Variants in TEFM observed in about 807,000 individuals in gnomAD.
TEFM encodes the protein transcription elongation factor, mitochondrial.
In TEFM, 14 loss-of-function variants were observed where a neutral mutation model predicts 23.0. That is an observed-to-expected ratio of 0.61 (90% CI 0.40 to 0.95). The LOEUF is 0.95. Ranked by LOEUF, TEFM falls within the 40% of genes least tolerant of loss-of-function variation. The probability of loss-of-function intolerance (pLI) is 0.00; values close to 1 mark genes in which losing one functional copy is unlikely to be tolerated. For synonymous variants in TEFM, 155 were observed against 158.3 expected (o/e 0.98, Z 0.16); for missense variants, 386 against 425.5 (o/e 0.91, Z 0.82).
intron 2 of TEFM, among the ~76,000 whole-genome samples, chr17:30,901,156 G>A (rs184856546): frequency 6.6e-6 from 1 of 152,194 alleles, no homozygotes; most frequent in Admixed American, 6.5e-5. Context: ...GAGTAGCTGG[G>A]ATTACAGGTA....
At chr17:30,899,676 TC>T in intron 3 of TEFM, 70 bp from the exon 4 acceptor site, 1 of 1,038,366 alleles carries the variant, frequency 9.6e-7, no homozygotes, top group Non-Finnish European at 1.3e-6. Context: ...CCCCTCTCTG[TC>T]CCACTTCTAT....
chr17:30,899,611 T>TA lies in TEFM; in HGVS notation c.646-6_646-5insT, dbSNP rs764444126. ...CTTTGAAATGATCGAGGAAATCTTT[T>TA]TAAAAAAAGACAAAATAAAGGAACA... On this transcript the variant is annotated splice_polypyrimidine_tract_variant and splice_region_variant and intron_variant, in intron 3 of 3. Coordinates refer to ENST00000581216, the MANE Select transcript of TEFM (RefSeq NM_024683.4). 12 of 1,493,100 alleles carry TA rather than the reference T, an allele frequency of 8.0e-6. No homozygotes were observed. The highest frequency in any genetic ancestry group is 8.1e-6 in the Non-Finnish European group (9 of 1,117,396). The allele number at this position is 1,493,100 out of a possible 1,614,324, so 92.5% of individuals were successfully genotyped here.
intron 1 of TEFM, among the ~76,000 whole-genome samples, chr17:30,905,515 C>T (rs9915675): frequency 0.13 from 18,908 of 146,522 alleles, 1,365 homozygotes; most frequent in South Asian, 0.24. Context: ...AGCGAAACTC[C>T]GTCTCAAAAA....
intron 2 of TEFM, among the ~76,000 whole-genome samples, chr17:30,903,143 A>G (rs1159778021): frequency 1.3e-5 from 2 of 151,354 alleles, no homozygotes; most frequent in Non-Finnish European, 2.9e-5. Flanking sequence ...TCTCAAAAAA[A>G]AAAAAAAAAA....
rs775819089 is a variant in TEFM, at chr17:30,904,428, G to C, written c.133C>G (p.Pro45Ala). 2 of 1,614,032 alleles carry C rather than the reference G, an allele frequency of 1.2e-6. No individual in the cohort carries two copies. Among genetic ancestry groups the C allele is most frequent in the South Asian group, 1.1e-5 (1 of 91,080 alleles). ...KKSTTPKKIT[P>A]NVTFCDENAK... ...TTTTCATCACAAAAAGTAACATTGG[G>C]AGTAATTTTCTTAGGTGTAGTGGAT... Residue 45 changes from proline (P) to alanine (A), a missense_variant, in exon 2 of 4, where the codon CCC becomes GCC. Transcript: ENST00000581216.
At chr17:30,902,850 T>C (rs1567706149) in intron 2 of TEFM, among the ~76,000 whole-genome samples, 1 of 152,120 alleles carries the variant, frequency 6.6e-6, no homozygotes, top group African/African-American at 2.4e-5. Context: ...AGTTTAATAC[T>C]TGAGTGCTGT....
In TEFM at chr17:30,899,176, TGA is replaced by T. The variant is rs746719028; in HGVS notation, c.1074_1075del (p.Gln359AlafsTer5). On this transcript the variant is annotated frameshift_variant, in exon 4 of 4. Coordinates refer to ENST00000581216, the MANE Select transcript of TEFM (RefSeq NM_024683.4). LOFTEE classifies it high-confidence loss of function. ...CACGTTAACCTCAGAATTCTAAGGC[TGA>T]GAGTCAAACACTGCTAATTCATAGA... 8.8e-6 allele frequency: 14 copies of T among 1,583,514 alleles called. No homozygotes were observed. The highest frequency in any genetic ancestry group is 2.2e-5 in the East Asian group (1 of 44,464).
intron 2 of TEFM, among the ~76,000 whole-genome samples, chr17:30,901,989 C>T (rs747632715): frequency 7.4e-4 from 113 of 152,196 alleles, no homozygotes; most frequent in Non-Finnish European, 1.3e-3. Context: ...GTCACATGAC[C>T]TAGGGAAGGT....
intron 2 of TEFM, among the ~76,000 whole-genome samples, chr17:30,902,704 C>T (rs1193652788): frequency 6.6e-6 from 1 of 151,960 alleles, no homozygotes; most frequent in African/African-American, 2.4e-5. Flanking sequence ...AGAGGGTCCA[C>T]AGCTTTCATC....
chr17:30,900,416 T>C lies in TEFM; in HGVS notation c.642A>G (p.Glu214=). The C allele has an allele frequency of 6.2e-7, 1 of 1,614,154 alleles. No individual in the cohort carries two copies. The highest frequency in any genetic ancestry group is 8.5e-7 in the Non-Finnish European group (1 of 1,180,000). Residue 214 remains glutamate (E), a synonymous_variant, in exon 3 of 4, where the codon GAA becomes GAG. Coordinates refer to ENST00000581216, the MANE Select transcript of TEFM (RefSeq NM_024683.4). The part of the protein sequence containing the change: ...RGIYSSSVYL[E]EISSIISKMP... The stretch of plus-strand genomic sequence containing the variant: ...TCTGGAGGTGCAACTGCCTTACCTC[T>C]TCTAAATAGACTGATGATGAGTATA...
intron 2 of TEFM, 146 bp downstream of exon 2, chr17:30,903,920 C>T (rs952391273): frequency 1.5e-6 from 1 of 653,242 alleles, no homozygotes; most frequent in African/African-American, 1.8e-5. Context: ...ACTATCTGTA[C>T]ATCTCATTAT....
At chr17:30,900,153 G>T (rs1362743774) in intron 3 of TEFM, 2 of 428,542 alleles carry the variant, frequency 4.7e-6, no homozygotes, top group Non-Finnish European at 8.2e-6. Flanking sequence ...ATAAAAGAGT[G>T]ATAATGTTCT....
chr17:30,901,462 T>C (rs1910045276), intron 2 of TEFM, among the ~76,000 whole-genome samples: 1 of 152,170 alleles, frequency 6.6e-6, no homozygotes, highest in Non-Finnish European at 1.5e-5. Flanking sequence ...AACGTAACTG[T>C]ACATTATAAG....
chr17:30,902,908 C>T (rs1471509926), intron 2 of TEFM, among the ~76,000 whole-genome samples: 3 of 151,520 alleles, frequency 2.0e-5, no homozygotes, highest in South Asian at 4.2e-4. Context: ...TTCGGGAGCC[C>T]GAGGCAGGTG....
In TEFM at chr17:30,902,680, C is replaced by A. The variant is rs143667894; in HGVS notation, c.495+1386G>T. Among the ~76,000 whole-genome samples the A allele has an allele frequency of 1.5e-4, 23 of 152,262 alleles. No homozygotes were observed. The East Asian group carries it at 3.7e-3, about 24-fold the overall frequency. ...AGTATTCTGTGTATATGTGCTATAT[C>A]TTTTTCTATGGGAAGAGGGTCCACA... On this transcript the variant is annotated intron_variant, in intron 2 of 3. Transcript: ENST00000581216.
Position 30,899,357 on chromosome 17 carries a change from G to A in TEFM, c.895C>T (p.Leu299=). The A allele has an allele frequency of 6.2e-7, 1 of 1,614,198 alleles. No individual in the cohort carries two copies. Among genetic ancestry groups the A allele is most frequent in the African/African-American group, 1.3e-5 (1 of 75,062 alleles). Residue 299 remains leucine (L), a synonymous_variant, in exon 4 of 4, where the codon CTA becomes TTA. Transcript: ENST00000581216. Reference sequence around the variant, plus strand: ...GAATCGAAGAGAAACTGCTTCACTAGCTCTTTTCCACTAGTCCGGGAGTCA... The same window carrying A: ...GAATCGAAGAGAAACTGCTTCACTAACTCTTTTCCACTAGTCCGGGAGTCA... ...IGDSRTSGKE[L]VKQFLFDSIL... is the part of the protein sequence containing the mutation.
intron 2 of TEFM, among the ~76,000 whole-genome samples, 200 bp from the exon 3 acceptor site, chr17:30,900,762 C>T (rs750659389): frequency 7.1e-6 from 1 of 141,302 alleles, no homozygotes; most frequent in Non-Finnish European, 1.6e-5. Context: ...CCACCACGCC[C>T]GGCTAATTTT....
intron 2 of TEFM, 74 bp downstream of exon 2, chr17:30,903,992 C>T: frequency 7.3e-7 from 1 of 1,362,830 alleles, no homozygotes; most frequent in Non-Finnish European, 1.0e-6. Context: ...CACTTCCCAA[C>T]CCAATGCCCA....
chr17:30,903,386 C>T (rs1457798396), intron 2 of TEFM, among the ~76,000 whole-genome samples: 1 of 151,516 alleles, frequency 6.6e-6, no homozygotes, highest in Non-Finnish European at 1.5e-5. Flanking sequence ...GCCACCATGC[C>T]CAGCTAAATT....
Sources: allele counts gnomAD v4.1 joint callset (sites outside exome capture counted in the v4.1 genomes callset), GRCh38; gene constraint gnomAD v4.1.1; transcripts MANE v1.5; gene names NCBI Gene and HGNC (gene_info 2026-07-23, HGNC 2026-07-21).